Variants in IL34 observed in about 807,000 individuals in gnomAD.
The protein encoded by IL34 is interleukin-34.
IL34 carries 17 observed loss-of-function variants against 25.3 expected under a neutral mutation model. The observed-to-expected ratio is 0.67, with a 90% CI of 0.46 to 1.01. The LOEUF (loss-of-function observed/expected upper bound fraction) is 1.01, where lower values mean the gene tolerates loss of function less well. IL34 is among the 50% of genes least tolerant of loss of function. The pLI, the probability that IL34 is intolerant of heterozygous loss-of-function variation, is 0.00. For missense variants in IL34, 368 were observed against 312.9 expected, an observed-to-expected ratio of 1.18 and a Z score of -1.33; for synonymous variants, 174 against 140.9, an observed-to-expected ratio of 1.23 and a Z score of -1.66.
chr16:70,654,520 G>A lies in IL34; in HGVS notation c.29-18G>A, dbSNP rs2052162537. On this transcript the variant is annotated intron_variant, in intron 1 of 5. Transcript: ENST00000288098. The stretch of plus-strand genomic sequence containing the variant: ...AGATGGAGGGTGCTCATGTGCTCTT[G>A]TCGGGTGTGGTCCACAGATCTTGGG... 6.3e-7 allele frequency: 1 copy of A among 1,598,378 alleles called. No individual in the cohort carries two copies. The highest frequency in any genetic ancestry group is 8.6e-7 in the Non-Finnish European group (1 of 1,169,034).
chr16:70,651,660 A>G (rs958652869), intron 1 of IL34, among the ~76,000 whole-genome samples: 3 of 152,046 alleles, frequency 2.0e-5, no homozygotes, highest in Non-Finnish European at 2.9e-5. Context: ...GCAAGGACAA[A>G]GTCTTCCAAG....
intron 5 of IL34, 67 bp from the exon 6 acceptor site, chr16:70,659,930 T>G: frequency 1.3e-6 from 2 of 1,500,598 alleles, no homozygotes; most frequent in Non-Finnish European, 1.8e-6. Flanking sequence ...ACATGCGGCT[T>G]GGCTTAGTGG....
chr16:70,635,671 G>A (rs1246809887), intron 1 of IL34, among the ~76,000 whole-genome samples: 1 of 152,170 alleles, frequency 6.6e-6, no homozygotes, highest in Admixed American at 6.6e-5. Flanking sequence ...AATCAAGTAA[G>A]TATTTTGCTC....
At chr16:70,580,844 G>A (rs1480095651) in intron 1 of IL34, among the ~76,000 whole-genome samples, 2 of 151,534 alleles carry the variant, frequency 1.3e-5, no homozygotes, top group East Asian at 1.9e-4. Flanking sequence ...AAAGTCAACA[G>A]CATAGGTAAG....
intron 3 of IL34, 78 bp downstream of exon 3, chr16:70,656,757 G>A: frequency 2.1e-6 from 2 of 958,338 alleles, no homozygotes; most frequent in Non-Finnish European, 3.4e-6. Context: ...GGCGCGCTGG[G>A]ACTGGCAGGT....
chr16:70,650,048 C>T (rs2052040262), intron 1 of IL34, among the ~76,000 whole-genome samples: 1 of 152,196 alleles, frequency 6.6e-6, no homozygotes, highest in African/African-American at 2.4e-5. Context: ...ATCCGCCCAC[C>T]TCGGCCTTCC....
chr16:70,643,706 T>C (rs1055205648), upstream of IL34, among the ~76,000 whole-genome samples: 3 of 152,182 alleles, frequency 2.0e-5, no homozygotes, highest in Admixed American at 1.3e-4. Flanking sequence ...TTTTATGGCA[T>C]GCAAATTATA....
At chr16:70,631,287 C>G (rs1015368953) in intron 1 of IL34, among the ~76,000 whole-genome samples, 3 of 152,102 alleles carry the variant, frequency 2.0e-5, no homozygotes, top group Non-Finnish European at 2.9e-5. Context: ...GGGCCAGTAC[C>G]CATAGGCCTA....
chr16:70,649,799 T>TTTTTAC (rs2052034148), intron 1 of IL34, among the ~76,000 whole-genome samples: 1 of 151,350 alleles, frequency 6.6e-6, no homozygotes, highest in Admixed American at 6.6e-5. Context: ...TATTATTTTA[T>TTTTTAC]TTTTATTTTT....
rs562905320 is a variant in IL34 at position 70,633,464 on chromosome 16, T to C, written c.-400-13084T>C. The stretch of plus-strand genomic sequence containing the variant: ...TTTTTCTCTAGAGACGTGGTCTCCC[T>C]ATGTTGCCCAGTCTGGTTTCAAACT... On this transcript the variant is annotated intron_variant, in intron 1 of 6. Transcript: ENST00000429149. Among the ~76,000 whole-genome samples, 3 of 152,066 alleles carry C rather than the reference T, an allele frequency of 2.0e-5. No homozygotes were observed. The South Asian group carries it at 6.2e-4, about 32-fold the overall frequency.
rs1208622287 is a variant in IL34, at chr16:70,646,880, G to A, written c.-68G>A. 3.5e-6 allele frequency: 5 copies of A among 1,423,584 alleles called. No individual in the cohort carries two copies. In the African/African-American group the frequency reaches 6.0e-5, roughly 17 times the overall value. 88.2% of individuals were successfully genotyped at this position (1,423,584 alleles called of 1,614,324 possible). ...GCTGCCCCGAGGCCATGTAGGCCGTGCTTAGGCCTCTGTGGACACACTGCT... is the reference window on the plus strand; with the variant it reads ...GCTGCCCCGAGGCCATGTAGGCCGTACTTAGGCCTCTGTGGACACACTGCT... On this transcript the variant is annotated 5_prime_UTR_variant, in exon 1 of 6. Coordinates refer to ENST00000288098, the MANE Select transcript of IL34 (RefSeq NM_001393494.1).
chr16:70,605,612 C>G (rs763739928), intron 1 of IL34, among the ~76,000 whole-genome samples: 1 of 152,146 alleles, frequency 6.6e-6, no homozygotes, highest in Non-Finnish European at 1.5e-5. Flanking sequence ...AAGAAAACAG[C>G]TTATTGAAGT....
intron 1 of IL34, among the ~76,000 whole-genome samples, chr16:70,616,498 T>G (rs1377532554): frequency 6.6e-6 from 1 of 152,232 alleles, no homozygotes; most frequent in Non-Finnish European, 1.5e-5. Context: ...TTACTCATAT[T>G]GTTTTGCTTA....
chr16:70,600,059 C>A (rs1334075584), intron 1 of IL34, among the ~76,000 whole-genome samples: 1 of 152,154 alleles, frequency 6.6e-6, no homozygotes, highest in Non-Finnish European at 1.5e-5. Context: ...CCTGACACGG[C>A]TTCTCTGTCC....
At chr16:70,599,246 A>G (rs2050869249) in intron 1 of IL34, among the ~76,000 whole-genome samples, 1 of 117,050 alleles carries the variant, frequency 8.5e-6, no homozygotes, top group Admixed American at 8.3e-5. Flanking sequence ...TTTGTCTTAT[A>G]CCTGTTATGT....
intron 1 of IL34, among the ~76,000 whole-genome samples, chr16:70,602,529 C>T (rs1156343035): frequency 2.0e-5 from 3 of 149,538 alleles, no homozygotes; most frequent in African/African-American, 7.4e-5. Flanking sequence ...CCAGACCCTG[C>T]CTCAAAAATA....
intron 1 of IL34, among the ~76,000 whole-genome samples, chr16:70,624,210 C>G (rs2051341527): frequency 6.6e-6 from 1 of 151,942 alleles, no homozygotes; most frequent in Non-Finnish European, 1.5e-5. Flanking sequence ...TGCCGGCATT[C>G]CTTGGCCCAG....
upstream of IL34, among the ~76,000 whole-genome samples, chr16:70,644,751 G>C (rs2051869047): frequency 7.0e-6 from 1 of 142,738 alleles, no homozygotes; most frequent in African/African-American, 2.6e-5. Context: ...GAGGAGGAGG[G>C]AGGAGGGAGG....
chr16:70,589,602 TTA>T (rs2050729834), intron 1 of IL34, among the ~76,000 whole-genome samples: 1 of 151,432 alleles, frequency 6.6e-6, no homozygotes, highest in Admixed American at 6.6e-5. Flanking sequence ...ACATTTCACC[TTA>T]TGTGTTTTTT....
Sources: allele counts gnomAD v4.1 joint callset (sites outside exome capture counted in the v4.1 genomes callset), GRCh38; gene constraint gnomAD v4.1.1; transcripts MANE v1.5; gene names NCBI Gene and HGNC (gene_info 2026-07-23, HGNC 2026-07-21).